The following TDRD10 variants were observed in gnomAD, a reference collection of about 807,000 sequenced individuals.
The protein encoded by TDRD10 is tudor domain-containing protein 10.
In TDRD10, 40 loss-of-function variants were observed where a neutral mutation model predicts 48.0. The observed-to-expected ratio is 0.83, with a 90% confidence interval of 0.65 to 1.09. TDRD10 has a LOEUF of 1.09. Among genes scored for constraint, TDRD10 ranks in the 50% least tolerant of loss-of-function variants. The probability of loss-of-function intolerance (pLI) is 0.00; values close to 1 mark genes in which losing one functional copy is unlikely to be tolerated. For missense variants in TDRD10, 378 were observed against 434.7 expected, an observed-to-expected ratio of 0.87 and a Z score of 1.16; for synonymous variants, 162 against 170.4, an observed-to-expected ratio of 0.95 and a Z score of 0.38.
At chr1:154,534,171 C>T (rs1028637306) in intron 6 of TDRD10, among the ~76,000 whole-genome samples, 1 of 152,212 alleles carries the variant, frequency 6.6e-6, no homozygotes, top group African/African-American at 2.4e-5. Flanking sequence ...TTCCTCACTA[C>T]AGCAGCAGAG....
chr1:154,527,064 C>T (rs1694357304), intron 6 of TDRD10, among the ~76,000 whole-genome samples: 2 of 152,238 alleles, frequency 1.3e-5, no homozygotes, highest in South Asian at 4.1e-4. Context: ...GCACCTGCCA[C>T]CACGCCCGCC....
intron 6 of TDRD10, among the ~76,000 whole-genome samples, chr1:154,539,496 GT>G (rs1695108139): frequency 6.6e-6 from 1 of 152,154 alleles, no homozygotes; most frequent in Admixed American, 6.5e-5. Flanking sequence ...TAGAGACAGA[GT>G]TTTTCCATGT....
intron 4 of TDRD10, among the ~76,000 whole-genome samples, chr1:154,510,197 G>A (rs1693373488): frequency 6.7e-6 from 1 of 148,578 alleles, no homozygotes; most frequent in Non-Finnish European, 1.5e-5. Flanking sequence ...TAAGTCCAAG[G>A]AGTTCAAGAC....
intron 5 of TDRD10, among the ~76,000 whole-genome samples, 158 bp from the exon 6 acceptor site, chr1:154,521,152 TGGCCCAGCCCCAA>T (rs1446326333): frequency 6.6e-6 from 1 of 152,218 alleles, no homozygotes. Context: ...TATCTCACAC[TGGCCCAGCCCCAA>T]GTCTGGACAT....
chr1:154,533,409 A>G (rs750288118), intron 6 of TDRD10, among the ~76,000 whole-genome samples: 4 of 140,748 alleles, frequency 2.8e-5, no homozygotes, highest in Non-Finnish European at 6.1e-5. Context: ...TGGCCTCTTC[A>G]ATTCTAAGTT....
At chr1:154,547,326 GC>G in intron 11 of TDRD10, 82 bp from the exon 12 acceptor site, 1 of 1,468,778 alleles carries the variant, frequency 6.8e-7, no homozygotes, top group Non-Finnish European at 9.4e-7. Flanking sequence ...TTTCCCTGCA[GC>G]CCCCGCCTTT....
At position 154,548,026 on chromosome 1, in the gene TDRD10, A is replaced by G. The variant is rs904735290; in HGVS notation, c.*316A>G. On this transcript the variant is annotated 3_prime_UTR_variant, in exon 13 of 13. Transcript: ENST00000368482. Reference sequence around the variant, plus strand: ...TCTTCTTTGCACCCCAGAGCATGATATAAGTGGTCCTAACAGATTCTGGAT... The same window carrying G: ...TCTTCTTTGCACCCCAGAGCATGATGTAAGTGGTCCTAACAGATTCTGGAT... The G allele has an allele frequency of 1.1e-4, 50 of 455,718 alleles. No homozygotes were observed. The East Asian group carries it at 1.9e-3, about 18-fold the overall frequency. The allele number at this position is 455,718 out of a possible 1,614,324, so 28.2% of individuals were successfully genotyped here.
rs1017341129 is a variant in TDRD10 at position 154,526,840 on chromosome 1, C to T, written c.369+5361C>T. 1.7e-4 allele frequency among the ~76,000 whole-genome samples: 25 copies of T among 151,326 alleles called. No homozygotes were observed. In the South Asian group the frequency reaches 1.9e-3, roughly 11 times the overall value. On this transcript the variant is annotated intron_variant, in intron 6 of 12. Transcript: ENST00000368482. ...CCTGACCTCAAGTAATTACCCACCT[C>T]GGCCTCCCAAAGTGCTGGGATTACA...
chr1:154,533,352 GGT>G lies in TDRD10; in HGVS notation c.370-8671_370-8670del, dbSNP rs1491250198. Among the ~76,000 whole-genome samples the G allele has an allele frequency of 5.2e-5, 7 of 133,732 alleles. No homozygotes were observed. The South Asian group carries it at 7.6e-4, about 15-fold the overall frequency. The allele number at this position is 133,732 out of a possible 152,430, so 87.7% of individuals were successfully genotyped here. The stretch of plus-strand genomic sequence containing the variant: ...GGCTAGAAAGAGCAGGCTTTTGTTG[GGT>G]TTTTTTTTTTTTTTTTTCTGGACCT... On this transcript the variant is annotated intron_variant, in intron 6 of 12. Transcript: ENST00000368482.
intron 1 of TDRD10, among the ~76,000 whole-genome samples, chr1:154,505,975 T>C (rs552949027): frequency 7.6e-4 from 116 of 152,366 alleles, no homozygotes; most frequent in Non-Finnish European, 1.4e-3. Context: ...GCTGGACTTA[T>C]AGATGCATCT....
chr1:154,513,728 G>A (rs1292435642), intron 4 of TDRD10, among the ~76,000 whole-genome samples: 2 of 152,184 alleles, frequency 1.3e-5, no homozygotes, highest in African/African-American at 2.4e-5. Flanking sequence ...TGCTAGTCAA[G>A]CTCTATAGCA....
At chr1:154,508,548 G>GTAAC in intron 4 of TDRD10, 67 bp downstream of exon 4, 3 of 1,056,214 alleles carry the variant, frequency 2.8e-6, no homozygotes, top group African/African-American at 1.6e-5. Flanking sequence ...TAACCTGCTA[G>GTAAC]TAACTTAATT....
chr1:154,544,184 G>A (rs1047061816), intron 9 of TDRD10, 74 bp downstream of exon 9: 124 of 1,604,676 alleles, frequency 7.7e-5, no homozygotes, highest in South Asian at 2.7e-4. Context: ...GCATGGTGAC[G>A]GGGCCGGTCA....
At chr1:154,515,693 C>A (rs1693724922) in intron 4 of TDRD10, among the ~76,000 whole-genome samples, 1 of 152,146 alleles carries the variant, frequency 6.6e-6, no homozygotes, top group South Asian at 2.1e-4. Context: ...CACCATCGAA[C>A]TCACCACACC....
At chr1:154,507,187 C>G (rs1052825810) in intron 2 of TDRD10, 54 bp from the exon 3 acceptor site, 93 of 1,610,792 alleles carry the variant, frequency 5.8e-5, no homozygotes, top group Non-Finnish European at 7.4e-5. Context: ...GACACGTTTC[C>G]TTTTGTCGGA....
intron 4 of TDRD10, among the ~76,000 whole-genome samples, chr1:154,518,384 AT>A (rs1184901639): frequency 6.6e-6 from 1 of 152,204 alleles, no homozygotes; most frequent in African/African-American, 2.4e-5. Flanking sequence ...GCACGAGGCA[AT>A]TTTAGCTTAA....
intron 6 of TDRD10, chr1:154,534,653 C>G (rs1694826549): frequency 6.6e-6 from 1 of 152,174 alleles, no homozygotes; most frequent in Admixed American, 6.5e-5. Context: ...TTTTCAATTT[C>G]TTGTATGCTT....
chr1:154,539,275 G>C (rs1249429846), intron 6 of TDRD10, among the ~76,000 whole-genome samples: 1 of 151,988 alleles, frequency 6.6e-6, no homozygotes, highest in Admixed American at 6.6e-5. Flanking sequence ...ATTTGCCCTA[G>C]GTCATTTCTT....
Position 154,544,477 on chromosome 1 carries a change from G to GCA in TDRD10, c.758_759dup (p.Glu254GlnfsTer46). The stretch of plus-strand genomic sequence containing the variant: ...CGTTATGCGCGGGACTCGCTGTCTG[G>GCA]CAGAGTACCACCTGGGGGATTATGG... On this transcript the variant is annotated frameshift_variant, in exon 10 of 13. Coordinates refer to ENST00000368482, the MANE Select transcript of TDRD10 (RefSeq NM_182499.4). LOFTEE classifies it high-confidence loss of function. The GCA allele has an allele frequency of 6.2e-7, 1 of 1,613,686 alleles. No individual in the cohort carries two copies. Among genetic ancestry groups the GCA allele is most frequent in the Non-Finnish European group, 8.5e-7 (1 of 1,179,936 alleles).
Sources: allele counts gnomAD v4.1 joint callset (sites outside exome capture counted in the v4.1 genomes callset), GRCh38; gene constraint gnomAD v4.1.1; transcripts MANE v1.5; gene names NCBI Gene and HGNC (gene_info 2026-07-23, HGNC 2026-07-21).